The following CREB5 variants were observed in gnomAD, a reference collection of about 807,000 sequenced individuals.
CREB5 encodes the protein cAMP responsive element binding protein 5.
A neutral mutation model predicts 57.1 loss-of-function variants in CREB5; 19 were observed. The ratio of observed to expected loss-of-function variants is 0.33; its 90% confidence interval spans 0.23 to 0.49. The LOEUF is 0.49. Among genes scored for constraint, CREB5 ranks in the 20% least tolerant of loss-of-function variants. The pLI, the probability that CREB5 is intolerant of heterozygous loss-of-function variation, is 0.99. For synonymous variants in CREB5, 238 were observed against 238.3 expected (o/e 1.00, Z 0.01); for missense variants, 579 against 671.6 (o/e 0.86, Z 1.52).
At chr7:28,303,989 A>G (rs1329750953) in intron 1 of CREB5, among the ~76,000 whole-genome samples, 1 of 152,216 alleles carries the variant, frequency 6.6e-6, no homozygotes, top group Non-Finnish European at 1.5e-5. Flanking sequence ...GCTCAAAAGA[A>G]CAGTTGCTTT....
chr7:28,641,332 TG>T (rs1798651765), intron 5 of CREB5, among the ~76,000 whole-genome samples: 1 of 152,062 alleles, frequency 6.6e-6, no homozygotes, highest in African/African-American at 2.4e-5. Flanking sequence ...TTAGGGAAGA[TG>T]GGGCTAAAAT....
intron 4 of CREB5, among the ~76,000 whole-genome samples, chr7:28,555,045 T>C (rs1272182301): frequency 1.3e-5 from 2 of 152,030 alleles, no homozygotes; most frequent in African/African-American, 4.8e-5. Flanking sequence ...TGGAGTTTTG[T>C]TCAGCTGGTG....
At chr7:28,627,847 G>A (rs1430241183) in intron 5 of CREB5, among the ~76,000 whole-genome samples, 1 of 152,090 alleles carries the variant, frequency 6.6e-6, no homozygotes, top group Non-Finnish European at 1.5e-5. Flanking sequence ...TGAGTGTTCA[G>A]TAAATAAAAA....
intron 1 of CREB5, among the ~76,000 whole-genome samples, chr7:28,338,093 AGTT>A (rs774150777): frequency 1.3e-5 from 2 of 152,226 alleles, no homozygotes; most frequent in Admixed American, 1.3e-4. Context: ...AAGCTGTAGT[AGTT>A]ATTATTTTTA....
At chr7:28,741,798 T>C (rs1473613080) in intron 7 of CREB5, among the ~76,000 whole-genome samples, 1 of 152,184 alleles carries the variant, frequency 6.6e-6, no homozygotes, top group Non-Finnish European at 1.5e-5. Flanking sequence ...CCAGGCATGG[T>C]GGCTTACACC....
rs1174704522 is a variant in CREB5, at chr7:28,560,911, T to TGCGTGCGC, written c.292-9453_292-9452insCGTGCGCG. Among the ~76,000 whole-genome samples the TGCGTGCGC allele has an allele frequency of 1.3e-3, 47 of 36,062 alleles. 4 individuals carry two copies. The highest frequency in any genetic ancestry group is 2.3e-3 in the Non-Finnish European group (45 of 19,796). The allele number at this position is 36,062 out of a possible 152,430, so 23.7% of individuals were successfully genotyped here. ...GCGTGTGTGTGCGTGCGCGCGTGCG[T>TGCGTGCGC]GTGCGTGTGTGCGCGTGCGTGTGTG... On this transcript the variant is annotated intron_variant, in intron 4 of 10. Transcript: ENST00000357727.
intron 1 of CREB5, among the ~76,000 whole-genome samples, chr7:28,421,481 G>C (rs573201977): frequency 1.3e-5 from 2 of 152,198 alleles, no homozygotes; most frequent in East Asian, 3.9e-4. Context: ...CCACTTTACT[G>C]TCATAATGGG....
At chr7:28,492,175 T>G (rs1791834787) in intron 2 of CREB5, among the ~76,000 whole-genome samples, 1 of 152,192 alleles carries the variant, frequency 6.6e-6, no homozygotes, top group Non-Finnish European at 1.5e-5. Flanking sequence ...AATTTATTTA[T>G]TTTTAGTAGA....
chr7:28,515,541 A>G (rs904570771), intron 4 of CREB5, among the ~76,000 whole-genome samples: 4 of 152,106 alleles, frequency 2.6e-5, no homozygotes, highest in African/African-American at 9.7e-5. Context: ...GCCGGAAACC[A>G]TACCCAGGGC....
At chr7:28,699,278 A>C (rs1380255017) in intron 5 of CREB5, among the ~76,000 whole-genome samples, 2 of 152,180 alleles carry the variant, frequency 1.3e-5, no homozygotes, top group Non-Finnish European at 2.9e-5. Flanking sequence ...AAGTGAAAAA[A>C]AGAAAAGAAA....
chr7:28,563,328 G>A (rs1430253113), intron 4 of CREB5, among the ~76,000 whole-genome samples: 2 of 152,102 alleles, frequency 1.3e-5, no homozygotes, highest in Admixed American at 1.3e-4. Context: ...TGCTAATCCT[G>A]TCCTTTCGAT....
At chr7:28,752,810 C>G (rs1583670134) in intron 7 of CREB5, among the ~76,000 whole-genome samples, 1 of 151,842 alleles carries the variant, frequency 6.6e-6, no homozygotes, top group South Asian at 2.1e-4. Flanking sequence ...GAGAAAAAAA[C>G]AGCAGAATTT....
intron 5 of CREB5, among the ~76,000 whole-genome samples, chr7:28,672,182 AAAAAAAAC>A (rs1182257810): frequency 3.2e-5 from 3 of 92,362 alleles, no homozygotes; most frequent in East Asian, 4.2e-4. Flanking sequence ...ATGGAAAAAA[AAAAAAAAC>A]ACACACACAC....
At chr7:28,396,229 G>A (rs1409893841) in intron 1 of CREB5, among the ~76,000 whole-genome samples, 2 of 152,184 alleles carry the variant, frequency 1.3e-5, no homozygotes, top group Admixed American at 1.3e-4. Context: ...AAGGCTTAGA[G>A]ATACATGGCA....
chr7:28,730,046 T>G (rs1046056038), intron 7 of CREB5, among the ~76,000 whole-genome samples: 3 of 152,248 alleles, frequency 2.0e-5, no homozygotes, highest in Non-Finnish European at 4.4e-5. Context: ...AAAGCGATTT[T>G]CCTTCTTAAA....
At position 28,449,258 on chromosome 7, in the gene CREB5, T is replaced by A. The variant is rs6965497; in HGVS notation, c.3+36341T>A. 3.5e-3 allele frequency among the ~76,000 whole-genome samples: 526 copies of A among 152,356 alleles called. 3 individuals are homozygous for A. Among genetic ancestry groups the A allele is most frequent in the African/African-American group, 0.012 (484 of 41,592 alleles). On this transcript the variant is annotated intron_variant, in intron 1 of 10. Transcript: ENST00000357727. Reference sequence around the variant, plus strand: ...GAAGTTACTGCTAAACTCAATAACATGCTTCTGTCTTTGTTTCTTTATTTG... The same window carrying A: ...GAAGTTACTGCTAAACTCAATAACAAGCTTCTGTCTTTGTTTCTTTATTTG...
intron 4 of CREB5, among the ~76,000 whole-genome samples, chr7:28,558,836 G>C (rs1375467978): frequency 6.6e-6 from 1 of 152,182 alleles, no homozygotes; most frequent in Non-Finnish European, 1.5e-5. Flanking sequence ...AGACCCTTCA[G>C]CATCCTTGTG....
intron 5 of CREB5, among the ~76,000 whole-genome samples, chr7:28,596,007 ACCT>A (rs1228698843): frequency 6.6e-6 from 1 of 152,164 alleles, no homozygotes; most frequent in Non-Finnish European, 1.5e-5. Flanking sequence ...CTAGGCCGAG[ACCT>A]CCTAAATCAC....
rs1789310737 is a variant in CREB5, at chr7:28,443,927, A to T, written c.3+31010A>T. On this transcript the variant is annotated intron_variant, in intron 1 of 10. Coordinates refer to ENST00000357727, the MANE Select transcript of CREB5 (RefSeq NM_182898.4). The stretch of plus-strand genomic sequence containing the variant: ...GTGGAAGCGGTATTGGTAGATCCTG[A>T]TACAAGTCAGAATGGTGTTTTGAGG... Among the ~76,000 whole-genome samples, 3 of 152,206 alleles carry T rather than the reference A, an allele frequency of 2.0e-5. No homozygotes were observed. In the South Asian group the frequency reaches 6.2e-4, roughly 32 times the overall value.
Sources: allele counts gnomAD v4.1 joint callset (sites outside exome capture counted in the v4.1 genomes callset), GRCh38; gene constraint gnomAD v4.1.1; transcripts MANE v1.5; gene names NCBI Gene and HGNC (gene_info 2026-07-23, HGNC 2026-07-21).